LPP: variants seen among roughly 807,000 people sequenced by gnomAD.
LPP encodes lipoma-preferred partner.
A neutral mutation model predicts 60.4 loss-of-function variants in LPP; 38 were observed. That is an observed-to-expected ratio of 0.63 (90% CI 0.49 to 0.83). LPP has a LOEUF of 0.83. Ranked by LOEUF, LPP falls within the 40% of genes least tolerant of loss-of-function variation. The pLI is 0.00. For missense variants in LPP, 902 were observed against 783.6 expected (o/e 1.15, Z -1.80); for synonymous variants, 328 against 290.8 (o/e 1.13, Z -1.30).
At chr3:188,241,301 C>A (rs9863680) in intron 2 of LPP, among the ~76,000 whole-genome samples, 2 of 152,056 alleles carry the variant, frequency 1.3e-5, no homozygotes, top group Non-Finnish European at 2.9e-5. Flanking sequence ...TCCTGCATGA[C>A]TGGGTATAAA....
At chr3:188,626,838 T>G (rs1846934668) in intron 7 of LPP, among the ~76,000 whole-genome samples, 1 of 152,156 alleles carries the variant, frequency 6.6e-6, no homozygotes, top group South Asian at 2.1e-4. Flanking sequence ...AACAATTATG[T>G]AGGCAAATGA....
intron 6 of LPP, among the ~76,000 whole-genome samples, chr3:188,525,255 A>G (rs551724376): frequency 1.3e-5 from 2 of 152,188 alleles, no homozygotes; most frequent in South Asian, 2.1e-4. Flanking sequence ...CTGAGCCACC[A>G]TGCCCGGCCC....
intron 2 of LPP, among the ~76,000 whole-genome samples, chr3:188,272,492 G>A (rs1738124324): frequency 6.6e-6 from 1 of 152,036 alleles, no homozygotes; most frequent in African/African-American, 2.4e-5. Context: ...CTAGTTTTTG[G>A]GAAGCGTTTG....
chr3:188,811,342 A>C (rs1025688875), intron 9 of LPP, among the ~76,000 whole-genome samples: 5 of 137,716 alleles, frequency 3.6e-5, no homozygotes, highest in Admixed American at 8.0e-5. Flanking sequence ...AAAATGATTA[A>C]GTGCTGTATA....
chr3:188,506,891 G>A (rs928484677), intron 5 of LPP, among the ~76,000 whole-genome samples: 17 of 151,984 alleles, frequency 1.1e-4, no homozygotes, highest in Admixed American at 3.3e-4. Flanking sequence ...TCCGCCTCCC[G>A]GGTTCACGCC....
chr3:188,750,423 G>C (rs770826856), intron 8 of LPP, among the ~76,000 whole-genome samples: 1 of 152,082 alleles, frequency 6.6e-6, no homozygotes, highest in Admixed American at 6.6e-5. Context: ...CTGATGTCAG[G>C]AGTTTGAGAC....
Position 188,886,940 on chromosome 3 carries a change from G to A in LPP, c.*12461G>A, listed in dbSNP as rs534390802. On this transcript the variant is annotated 3_prime_UTR_variant, in exon 12 of 12. Coordinates refer to ENST00000617246, the MANE Select transcript of LPP (RefSeq NM_001375462.1). ...CATTTATCTCTTAAAATATGCCAAA[G>A]CAATTTGAGGTGGGGGTGGAAACAG... 1 of 230,712 alleles carries A rather than the reference G, an allele frequency of 4.3e-6. No individual in the cohort carries two copies. The highest frequency in any genetic ancestry group is 1.8e-4 in the South Asian group (1 of 5,502). 14.3% of individuals were successfully genotyped at this position (230,712 alleles called of 1,614,324 possible). A position where few individuals can be genotyped will look rare whatever the true frequency, so the allele number is the denominator to read the frequency against.
At chr3:188,586,322 T>G (rs1837434426) in intron 6 of LPP, among the ~76,000 whole-genome samples, 1 of 152,114 alleles carries the variant, frequency 6.6e-6, no homozygotes, top group Admixed American at 6.6e-5. Flanking sequence ...AATGTAGTAA[T>G]GAAACAATGG....
chr3:188,224,386 A>C (rs1051605360), intron 1 of LPP, among the ~76,000 whole-genome samples: 1 of 152,238 alleles, frequency 6.6e-6, no homozygotes, highest in Non-Finnish European at 1.5e-5. Context: ...TCCTGCATAC[A>C]TGAAAGACAA....
intron 1 of LPP, among the ~76,000 whole-genome samples, chr3:188,157,959 AGGACCAT>A (rs1717017703): frequency 6.6e-6 from 1 of 152,228 alleles, no homozygotes; most frequent in Non-Finnish European, 1.5e-5. Flanking sequence ...AGCCATGAAG[AGGACCAT>A]GGAAAATGGA....
chr3:188,313,195 C>T (rs1411760823), intron 2 of LPP, among the ~76,000 whole-genome samples: 2 of 152,062 alleles, frequency 1.3e-5, no homozygotes, highest in African/African-American at 4.8e-5. Context: ...TCATCTGTCA[C>T]TTCATGTGTC....
At chr3:188,756,856 T>C (rs1188850171) in intron 8 of LPP, among the ~76,000 whole-genome samples, 4 of 152,178 alleles carry the variant, frequency 2.6e-5, no homozygotes, top group Non-Finnish European at 5.9e-5. Context: ...TCTAGAGGAA[T>C]ATTCTCCAAA....
intron 7 of LPP, among the ~76,000 whole-genome samples, chr3:188,635,725 T>C (rs948399933): frequency 6.6e-6 from 1 of 152,222 alleles, no homozygotes; most frequent in South Asian, 2.1e-4. Flanking sequence ...TGATATGTTC[T>C]TTAGTCGAGT....
chr3:188,305,048 T>G (rs1751073789), intron 2 of LPP, among the ~76,000 whole-genome samples: 1 of 152,354 alleles, frequency 6.6e-6, no homozygotes, highest in South Asian at 2.1e-4. Flanking sequence ...AGGACTTTTT[T>G]GTTTATATCT....
chr3:188,288,162 T>C (rs1448817602), intron 2 of LPP, among the ~76,000 whole-genome samples: 2 of 152,212 alleles, frequency 1.3e-5, no homozygotes, highest in East Asian at 3.8e-4. Context: ...TTGGAAATAA[T>C]AGAGAAATTA....
chr3:188,368,930 C>T (rs1257555251), intron 3 of LPP, among the ~76,000 whole-genome samples: 1 of 152,128 alleles, frequency 6.6e-6, no homozygotes, highest in Admixed American at 6.5e-5. Context: ...GGTCACCCGC[C>T]ACATTTTATC....
chr3:188,504,043 G>A (rs923157884), intron 5 of LPP, among the ~76,000 whole-genome samples: 1 of 152,088 alleles, frequency 6.6e-6, no homozygotes, highest in African/African-American at 2.4e-5. Context: ...TTTTCTCTCT[G>A]TCTCATACTT....
chr3:188,275,610 G>A (rs1369007923), intron 2 of LPP, among the ~76,000 whole-genome samples: 1 of 152,130 alleles, frequency 6.6e-6, no homozygotes, highest in Non-Finnish European at 1.5e-5. Context: ...TTTCTTCTCA[G>A]CAATGATGGT....
chr3:188,193,842 A>T lies in LPP; in HGVS notation c.-189-31563A>T, dbSNP rs79116101. On this transcript the variant is annotated intron_variant, in intron 1 of 11. Coordinates refer to ENST00000617246, the MANE Select transcript of LPP (RefSeq NM_001375462.1). ...AATTTTTCCTGGAGTTACACTGTGC[A>T]GCCTATGCATCAATGGTTTTATCTG... 3.4e-3 allele frequency among the ~76,000 whole-genome samples: 524 copies of T among 152,268 alleles called. 2 individuals are homozygous for T. The highest frequency in any genetic ancestry group is 0.012 in the African/African-American group (497 of 41,542).
Sources: gnomAD v4.1 joint callset for allele counts (sites outside exome capture counted in the v4.1 genomes callset) on GRCh38, gnomAD v4.1.1 for gene constraint, MANE v1.5 for transcripts, NCBI Gene and HGNC (gene_info 2026-07-23, HGNC 2026-07-21) for gene names.